Variants in GDPD5 observed in about 807,000 individuals in gnomAD.
GDPD5 encodes glycerophosphodiester phosphodiesterase domain containing 5, also known as glycerophosphodiester phosphodiesterase 2.
In GDPD5, 48 loss-of-function variants were observed where a neutral mutation model predicts 75.1. The ratio of observed to expected loss-of-function variants is 0.64; its 90% CI spans 0.51 to 0.81. GDPD5 has a LOEUF of 0.81. GDPD5 is among the 40% of genes least tolerant of loss of function. GDPD5 has a pLI of 0.00. For missense variants in GDPD5, 706 were observed against 822.6 expected, an observed-to-expected ratio of 0.86 and a Z score of 1.73; for synonymous variants, 336 against 339.0, an observed-to-expected ratio of 0.99 and a Z score of 0.10.
chr11:75,489,435 T>G (rs1233981775), intron 2 of GDPD5, among the ~76,000 whole-genome samples: 1 of 152,242 alleles, frequency 6.6e-6, no homozygotes, highest in African/African-American at 2.4e-5. Context: ...AGGTTTCACC[T>G]TGGTGACCAA....
chr11:75,491,704 G>T (rs1214596811), intron 1 of GDPD5, among the ~76,000 whole-genome samples: 1 of 152,140 alleles, frequency 6.6e-6, no homozygotes. Flanking sequence ...ATCTCCTTAG[G>T]TATAAAATAC....
Position 75,488,742 on chromosome 11 carries a change from T to C in GDPD5, c.-61+1495A>G, listed in dbSNP as rs139493418. Among the ~76,000 whole-genome samples, 1,377 of 152,340 alleles carry C rather than the reference T, an allele frequency of 9.0e-3. 6 individuals carry two copies. The highest frequency in any genetic ancestry group is 0.017 in the Middle Eastern group (5 of 294). ...ACAAAAGCCCACTGCCTCCTCCTTTTTGTGCTCATATCATCTGGCAGAGCT... is the reference window on the plus strand; with the variant it reads ...ACAAAAGCCCACTGCCTCCTCCTTTCTGTGCTCATATCATCTGGCAGAGCT... On this transcript the variant is annotated intron_variant, in intron 2 of 16. Transcript: ENST00000336898.
intron 1 of GDPD5, among the ~76,000 whole-genome samples, chr11:75,519,434 C>T (rs1200273488): frequency 4.6e-5 from 7 of 152,308 alleles, no homozygotes; most frequent in South Asian, 2.1e-4. Context: ...ATTCATTCCA[C>T]GGAGCAGCTG....
intron 1 of GDPD5, among the ~76,000 whole-genome samples, chr11:75,510,306 A>C (rs987967175): frequency 5.4e-4 from 82 of 152,224 alleles, no homozygotes; most frequent in Non-Finnish European, 1.1e-3. Flanking sequence ...GTGCCAGGTG[A>C]CCTCGCCTGA....
Position 75,477,642 on chromosome 11 carries a change from G to A in GDPD5, c.94C>T (p.Arg32Cys), listed in dbSNP as rs1949807693. 1.0e-5 allele frequency: 16 copies of A among 1,596,732 alleles called. No individual in the cohort carries two copies. Among genetic ancestry groups the A allele is most frequent in the East Asian group, 2.3e-5 (1 of 44,280 alleles). The change falls in exon 3 of 17, where the codon CGC (arginine) becomes TGC (cysteine). Residue 32 changes from arginine (R) to cysteine (C), a missense_variant. Arg to Cys is a radical substitution (Grantham distance 180). Coordinates refer to ENST00000336898, the MANE Select transcript of GDPD5 (RefSeq NM_030792.8). ...ACCGGTGTGGTATCATCATGGGAGC[G>A]CTGGTAGCGCTTCCAACGGCAGCCG... ...IYGCRWKRYQ[R>C]SHDDTTPWER...
At chr11:75,439,733 G>A in intron 15 of GDPD5, 146 bp downstream of exon 15, 1 of 682,576 alleles carries the variant, frequency 1.5e-6, no homozygotes, top group Non-Finnish European at 2.6e-6. Flanking sequence ...GAGGGAGGAT[G>A]GGGCCACCGG....
intron 1 of GDPD5, among the ~76,000 whole-genome samples, chr11:75,500,761 C>T (rs996096845): frequency 6.6e-6 from 1 of 152,126 alleles, no homozygotes; most frequent in African/African-American, 2.4e-5. Context: ...CCATTCCCTC[C>T]AACCTCCAGG....
intron 1 of GDPD5, among the ~76,000 whole-genome samples, chr11:75,520,027 T>C (rs1027335523): frequency 6.6e-6 from 1 of 152,234 alleles, no homozygotes; most frequent in Non-Finnish European, 1.5e-5. Flanking sequence ...ATCCCAGTCC[T>C]GCTCCCTCCC....
chr11:75,493,229 T>TCACACACACACACACA (rs71036055), intron 1 of GDPD5, among the ~76,000 whole-genome samples: 44 of 141,004 alleles, frequency 3.1e-4, no homozygotes, highest in African/African-American at 1.1e-3. Flanking sequence ...CCCACACATC[T>TCACACACACACACACA]CACACACACA....
In GDPD5 at chr11:75,444,479, G is replaced by C. The variant is rs754450422; in HGVS notation, c.731C>G (p.Thr244Arg). Residue 244 changes from threonine to arginine, a missense_variant, in exon 10 of 17, where the codon ACG (threonine) becomes AGG (arginine). Physicochemically the swap from Thr to Arg is moderately conservative, Grantham distance 71. Coordinates refer to ENST00000336898, the MANE Select transcript of GDPD5 (RefSeq NM_030792.8). Reference sequence around the variant, plus strand: ...GAGGGCCTTCCGGAAGGACATGAGCGTGTGCTCTGGAGCCAGCTGGGGAAG... The same window carrying C: ...GAGGGCCTTCCGGAAGGACATGAGCCTGTGCTCTGGAGCCAGCTGGGGAAG... ...RGAPMLAPEH[T>R]LMSFRKALEQ... 1 of 1,613,474 alleles carries C rather than the reference G, an allele frequency of 6.2e-7. No individual in the cohort carries two copies. Among genetic ancestry groups the C allele is most frequent in the Non-Finnish European group, 8.5e-7 (1 of 1,179,638 alleles).
In GDPD5 at chr11:75,435,653, T is replaced by C. The variant is rs1467714645; in HGVS notation, c.1672A>G (p.Ile558Val). 1.9e-6 allele frequency: 3 copies of C among 1,606,762 alleles called. No individual in the cohort carries two copies. The South Asian group carries it at 3.3e-5, about 18-fold the overall frequency. Residue 558 changes from isoleucine to valine, a missense_variant and splice_region_variant, in exon 17 of 17, where the codon ATC (isoleucine) becomes GTC (valine). Transcript: ENST00000336898. ...TCGGAGACCTCTACACCATCGCTGATCTCTGCTGGGCCAGAGGGAGACAGA... is the reference window on the plus strand; with the variant it reads ...TCGGAGACCTCTACACCATCGCTGACCTCTGCTGGGCCAGAGGGAGACAGA... ...IMKEKLIFSE[I>V]SDGVEVSDVL...
intron 1 of GDPD5, among the ~76,000 whole-genome samples, chr11:75,494,995 T>C (rs1950184450): frequency 6.6e-6 from 1 of 151,280 alleles, no homozygotes; most frequent in African/African-American, 2.4e-5. Flanking sequence ...AGGCTGGACA[T>C]GGTGGCTCAC....
At chr11:75,477,440 T>C (rs1352453573) in intron 3 of GDPD5, among the ~76,000 whole-genome samples, 179 bp downstream of exon 3, 2 of 152,258 alleles carry the variant, frequency 1.3e-5, no homozygotes, top group African/African-American at 4.8e-5. Context: ...CATGCCCTCC[T>C]GGTCAGTAGA....
chr11:75,504,481 C>T (rs776899828), intron 1 of GDPD5, among the ~76,000 whole-genome samples: 1 of 152,220 alleles, frequency 6.6e-6, no homozygotes, highest in Non-Finnish European at 1.5e-5. Context: ...AATGGAGCAG[C>T]ACTCCGCCTG....
In GDPD5 at chr11:75,443,163, T is replaced by C. The variant is rs779162166; in HGVS notation, c.921A>G (p.Arg307=). Residue 307 remains arginine (R), a synonymous_variant, in exon 11 of 17, where the codon AGA becomes AGG. Transcript: ENST00000336898. ...ASMLNWTTLQ[R]LNAGQWFLKT... is the part of the protein sequence containing the mutation. ...TCAGGAACCACTGGCCAGCGTTGAG[T>C]CTCTGCAGGGTGGTCCAGTTAAGCA... 1.9e-6 allele frequency: 3 copies of C among 1,604,602 alleles called. No individual in the cohort carries two copies. In the South Asian group the frequency reaches 3.4e-5, roughly 18 times the overall value.
At chr11:75,503,263 C>T (rs1049435989) in intron 1 of GDPD5, among the ~76,000 whole-genome samples, 1 of 152,300 alleles carries the variant, frequency 6.6e-6, no homozygotes, top group Non-Finnish European at 1.5e-5. Context: ...TCAGGTGATC[C>T]GCCTGCCTCA....
intron 3 of GDPD5, among the ~76,000 whole-genome samples, chr11:75,475,821 C>A (rs1422485569): frequency 6.6e-6 from 1 of 152,202 alleles, no homozygotes; most frequent in Admixed American, 6.5e-5. Context: ...AGCCTTGGCC[C>A]CAGACCCCTG....
chr11:75,493,721 A>G (rs1950157610), intron 1 of GDPD5, among the ~76,000 whole-genome samples: 1 of 152,180 alleles, frequency 6.6e-6, no homozygotes, highest in Non-Finnish European at 1.5e-5. Context: ...AGAGGGAGAC[A>G]AGTTAGCTTG....
chr11:75,489,141 T>A (rs1950065036), intron 2 of GDPD5, among the ~76,000 whole-genome samples: 1 of 151,758 alleles, frequency 6.6e-6, no homozygotes, highest in African/African-American at 2.4e-5. Context: ...TGCCTCTGAA[T>A]AATAATTAGC....
Sources: allele counts gnomAD v4.1 joint callset (sites outside exome capture counted in the v4.1 genomes callset), GRCh38; gene constraint gnomAD v4.1.1; transcripts MANE v1.5; gene names NCBI Gene and HGNC (gene_info 2026-07-23, HGNC 2026-07-21).